CDH23: variants seen among roughly 807,000 people sequenced by gnomAD.
CDH23 encodes cadherin related 23, also known as cadherin-23.
CDH23 carries 189 observed loss-of-function variants against 317.1 expected under a neutral mutation model. The ratio of observed to expected loss-of-function variants is 0.60; its 90% confidence interval spans 0.53 to 0.67. The LOEUF is 0.67. Ranked by LOEUF, CDH23 falls within the 30% of genes least tolerant of loss-of-function variation. The pLI is 0.00. For synonymous variants in CDH23, 1,839 were observed against 1,876.8 expected, an observed-to-expected ratio of 0.98 and a Z score of 0.52; for missense variants, 4,401 against 4,592.4, an observed-to-expected ratio of 0.96 and a Z score of 1.20.
chr10:71,642,766 C>T (rs1036757619), intron 11 of CDH23, among the ~76,000 whole-genome samples: 4 of 152,144 alleles, frequency 2.6e-5, no homozygotes, highest in Admixed American at 6.5e-5. Flanking sequence ...GCTCAGTCAA[C>T]CTCTCTGAAC....
At chr10:71,498,439 C>A (rs1405753420) in intron 3 of CDH23, among the ~76,000 whole-genome samples, 6 of 152,236 alleles carry the variant, frequency 3.9e-5, no homozygotes, top group African/African-American at 1.4e-4. Flanking sequence ...CCATCCTGAA[C>A]TTCCCCAGGG....
intron 9 of CDH23, among the ~76,000 whole-genome samples, chr10:71,591,228 G>C (rs755328135): frequency 6.6e-6 from 1 of 152,200 alleles, no homozygotes; most frequent in Non-Finnish European, 1.5e-5. Context: ...CCGAATGCTG[G>C]TTCCCCAACT....
At chr10:71,737,672 T>G in intron 34 of CDH23, 1 of 468,676 alleles carries the variant, frequency 2.1e-6, no homozygotes, top group Non-Finnish European at 4.4e-6. Flanking sequence ...CTGGGATACC[T>G]AAAACCTGAG....
intron 44 of CDH23, among the ~76,000 whole-genome samples, chr10:71,787,445 T>C (rs1040988884): frequency 2.6e-5 from 4 of 152,014 alleles, no homozygotes; most frequent in African/African-American, 9.7e-5. Flanking sequence ...AACTACCTAT[T>C]ATGTCCAATG....
Position 71,811,829 on chromosome 10 carries a change from A to G in CDH23, c.9319+76A>G, listed in dbSNP as rs1841939736. On this transcript the variant is annotated intron_variant, in intron 65 of 69. Transcript: ENST00000224721. ...ACCTGGAGTGCCCACCGGAGCCACAAGCCTGGCTCAGGCCCTTCACTGGGC... is the reference window on the plus strand; with the variant it reads ...ACCTGGAGTGCCCACCGGAGCCACAGGCCTGGCTCAGGCCCTTCACTGGGC... The G allele has an allele frequency of 3.2e-6, 5 of 1,565,940 alleles. No homozygotes were observed. In the South Asian group the frequency reaches 4.6e-5, roughly 15 times the overall value.
chr10:71,430,225 T>C (rs1849305333), intron 1 of CDH23, among the ~76,000 whole-genome samples: 1 of 151,948 alleles, frequency 6.6e-6, no homozygotes, highest in South Asian at 2.1e-4. Context: ...ATCACTCCAT[T>C]CTTGTCCATG....
intron 6 of CDH23, among the ~76,000 whole-genome samples, chr10:71,552,771 G>A (rs1856669246): frequency 6.6e-6 from 1 of 152,034 alleles, no homozygotes; most frequent in South Asian, 2.1e-4. Flanking sequence ...ATCACACAGG[G>A]GACCCTGGTC....
At chr10:71,466,898 G>A (rs913442761) in intron 3 of CDH23, among the ~76,000 whole-genome samples, 6 of 151,874 alleles carry the variant, frequency 4.0e-5, no homozygotes, top group African/African-American at 9.7e-5. Context: ...GTGTGTGCAC[G>A]TGCATATATC....
chr10:71,665,579 CT>C (rs1172710416), intron 14 of CDH23, among the ~76,000 whole-genome samples: 1 of 152,184 alleles, frequency 6.6e-6, no homozygotes, highest in Non-Finnish European at 1.5e-5. Context: ...TGTTAGGAGC[CT>C]AGTGACTGTC....
At chr10:71,410,092 T>A (rs1383510895) in intron 1 of CDH23, among the ~76,000 whole-genome samples, 2 of 152,256 alleles carry the variant, frequency 1.3e-5, no homozygotes, top group Admixed American at 6.5e-5. Context: ...ATTACTCATC[T>A]GTGTCTTGTT....
chr10:71,755,808 G>C lies in CDH23; in HGVS notation c.4845+13887G>C, dbSNP rs527824596. Among the ~76,000 whole-genome samples, 37 of 152,306 alleles carry C rather than the reference G, an allele frequency of 2.4e-4. 1 individual carries two copies. Among genetic ancestry groups the C allele is most frequent in the Admixed American group, 1.2e-3 (19 of 15,298 alleles). ...CTACAGGTTGTTCTCTGAAAAGGGA[G>C]AGCAGGGCCTTCGCAGACCCCATGC... is the stretch of plus-strand genomic sequence containing the variant. On this transcript the variant is annotated intron_variant, in intron 38 of 69. Coordinates refer to ENST00000224721, the MANE Select transcript of CDH23 (RefSeq NM_022124.6).
intron 3 of CDH23, among the ~76,000 whole-genome samples, chr10:71,465,499 C>T (rs914238075): frequency 6.6e-6 from 1 of 152,252 alleles, no homozygotes; most frequent in African/African-American, 2.4e-5. Flanking sequence ...GTAATAGAAA[C>T]GGAGGGCCCT....
chr10:71,433,670 C>T (rs1367209303), intron 1 of CDH23, among the ~76,000 whole-genome samples: 3 of 151,862 alleles, frequency 2.0e-5, no homozygotes, highest in Admixed American at 2.0e-4. Flanking sequence ...CCTCAGCCAG[C>T]TCCACCTGCA....
intron 10 of CDH23, among the ~76,000 whole-genome samples, chr10:71,616,578 G>T (rs1861202190): frequency 6.6e-6 from 1 of 152,216 alleles, no homozygotes; most frequent in Non-Finnish European, 1.5e-5. Context: ...CTCACACTTG[G>T]CTGTGAACCC....
intron 6 of CDH23, among the ~76,000 whole-genome samples, chr10:71,552,984 C>A (rs958955580): frequency 6.6e-6 from 1 of 152,190 alleles, no homozygotes; most frequent in Admixed American, 6.5e-5. Context: ...CCAGTCCCCC[C>A]ACTCCCAGCT....
chr10:71,690,540 A>G lies in CDH23; in HGVS notation c.2132A>G (p.Tyr711Cys), dbSNP rs1327573866. The change falls in exon 20 of 70, where the codon TAC (tyrosine) becomes TGC (cysteine). Residue 711 changes from tyrosine to cysteine, a missense_variant. This residue lies in a region of CDH23 where 3,068 missense variants were observed against 3,203.3 expected (regional missense o/e 0.96). Coordinates refer to ENST00000224721, the MANE Select transcript of CDH23 (RefSeq NM_022124.6). ...GAGTACGGCCAGGAGTCCATCATCTACTCCTTGGAAGGCTCCACCCAGTTT... is the reference window on the plus strand; with the variant it reads ...GAGTACGGCCAGGAGTCCATCATCTGCTCCTTGGAAGGCTCCACCCAGTTT... ...SREYGQESII[Y>C]SLEGSTQFRI... 1.9e-6 allele frequency: 3 copies of G among 1,609,306 alleles called. No individual in the cohort carries two copies. Among genetic ancestry groups the G allele is most frequent in the Non-Finnish European group, 2.5e-6 (3 of 1,178,220 alleles).
intron 3 of CDH23, among the ~76,000 whole-genome samples, chr10:71,470,283 C>A (rs1851446325): frequency 6.6e-6 from 1 of 152,132 alleles, no homozygotes; most frequent in Non-Finnish European, 1.5e-5. Context: ...GTAAAATATA[C>A]ATAATGTAAA....
Position 71,438,128 on chromosome 10 carries a change from T to G in CDH23, c.-5-1699T>G, listed in dbSNP as rs148318508. Reference sequence around the variant, plus strand: ...GGCTGAGCCGGGTGGATCACTTGAGTTCAGGAGTTTGAGACCAGCCTGACC... The same window carrying G: ...GGCTGAGCCGGGTGGATCACTTGAGGTCAGGAGTTTGAGACCAGCCTGACC... On this transcript the variant is annotated intron_variant, in intron 1 of 69. Coordinates refer to ENST00000224721, the MANE Select transcript of CDH23 (RefSeq NM_022124.6). Among the ~76,000 whole-genome samples the G allele has an allele frequency of 9.3e-3, 1,412 of 151,500 alleles. 28 individuals are homozygous for G. The highest frequency in any genetic ancestry group is 0.028 in the Middle Eastern group (8 of 290).
At position 71,635,060 on chromosome 10, in the gene CDH23, T is replaced by A. The variant is rs187769973; in HGVS notation, c.1135-8801T>A. On this transcript the variant is annotated intron_variant, in intron 11 of 69. Transcript: ENST00000224721. ...CTGGGTCCCAGGAGTTGGAAGTCTG[T>A]GCCCAGGAACAGGAGTGGGTACAGA... Among the ~76,000 whole-genome samples, 3 of 152,364 alleles carry A rather than the reference T, an allele frequency of 2.0e-5. No homozygotes were observed. The East Asian group carries it at 5.8e-4, about 29-fold the overall frequency.
Sources: allele counts gnomAD v4.1 joint callset (sites outside exome capture counted in the v4.1 genomes callset), GRCh38; gene constraint gnomAD v4.1.1; regional missense constraint gnomAD v4.1.1; transcripts MANE v1.5; gene names NCBI Gene and HGNC (gene_info 2026-07-23, HGNC 2026-07-21).